The following ABLIM1 variants were observed in gnomAD, a reference collection of about 807,000 sequenced individuals.
ABLIM1 encodes the protein actin-binding LIM protein 1.
A neutral mutation model predicts 107.0 loss-of-function variants in ABLIM1; 40 were observed. The observed-to-expected ratio is 0.37, with a 90% CI of 0.29 to 0.49. ABLIM1 has a LOEUF of 0.49. Ranked by LOEUF, ABLIM1 falls within the 20% of genes least tolerant of loss-of-function variation. The probability of loss-of-function intolerance (pLI) is 0.97; values close to 1 mark genes in which losing one functional copy is unlikely to be tolerated. For missense variants in ABLIM1, 857 were observed against 1,008.5 expected, an observed-to-expected ratio of 0.85 and a Z score of 2.04; for synonymous variants, 357 against 357.3, an observed-to-expected ratio of 1.00 and a Z score of 0.01.
intron 6 of ABLIM1, 75 bp downstream of exon 6, chr10:114,544,930 G>C: frequency 3.7e-6 from 5 of 1,339,450 alleles, no homozygotes; most frequent in South Asian, 1.2e-5. Flanking sequence ...GGTGGGAAAG[G>C]GTCCCCTCTT....
chr10:114,459,832 T>C (rs1472234223), intron 12 of ABLIM1, among the ~76,000 whole-genome samples: 1 of 152,242 alleles, frequency 6.6e-6, no homozygotes, highest in African/African-American at 2.4e-5. Flanking sequence ...TAATGCTTTT[T>C]ATCATTTAAA....
At chr10:114,654,566 C>T (rs890269111) in intron 1 of ABLIM1, among the ~76,000 whole-genome samples, 2 of 152,138 alleles carry the variant, frequency 1.3e-5, no homozygotes, top group Admixed American at 6.5e-5. Flanking sequence ...CCTGCCTCAG[C>T]CTCTCAAGTA....
intron 1 of ABLIM1, among the ~76,000 whole-genome samples, chr10:114,639,731 T>C (rs549367987): frequency 3.5e-4 from 53 of 152,352 alleles, no homozygotes; most frequent in African/African-American, 1.3e-3. Context: ...CTGACATTTG[T>C]AATAATTTAG....
At chr10:114,742,573 GC>G (rs2082308330) in intron 1 of ABLIM1, among the ~76,000 whole-genome samples, 1 of 152,160 alleles carries the variant, frequency 6.6e-6, no homozygotes, top group Non-Finnish European at 1.5e-5. Flanking sequence ...TCTTCCTGAT[GC>G]AGTGACTTGA....
intron 2 of ABLIM1, among the ~76,000 whole-genome samples, chr10:114,576,613 C>T (rs2497747): frequency 3.9e-5 from 6 of 151,902 alleles, no homozygotes; most frequent in Non-Finnish European, 4.4e-5. Flanking sequence ...TCCCATGACT[C>T]CTTAATTCAT....
chr10:114,637,928 T>C (rs867019552), intron 1 of ABLIM1, among the ~76,000 whole-genome samples: 2 of 152,252 alleles, frequency 1.3e-5, no homozygotes, highest in Non-Finnish European at 1.5e-5. Flanking sequence ...AATCCAGTTA[T>C]TGGGATATAA....
At chr10:114,640,273 T>A (rs2078679348) in intron 1 of ABLIM1, among the ~76,000 whole-genome samples, 1 of 152,192 alleles carries the variant, frequency 6.6e-6, no homozygotes, top group African/African-American at 2.4e-5. Context: ...ACGCCTATAA[T>A]CCCAGCACTT....
At chr10:114,796,674 C>T in the ABLIM1 span, among the ~76,000 whole-genome samples, 1 of 152,178 alleles carries the variant, frequency 6.6e-6, no homozygotes, top group Non-Finnish European at 1.5e-5. Context: ...GTTTCCTTAT[C>T]TATAGAAGTC....
At chr10:114,701,208 G>C (rs1208112844) in intron 1 of ABLIM1, among the ~76,000 whole-genome samples, 1 of 152,146 alleles carries the variant, frequency 6.6e-6, no homozygotes, top group Non-Finnish European at 1.5e-5. Flanking sequence ...AATTAGCCAT[G>C]AGGTAAATGC....
At chr10:114,534,194 G>C (rs2065747633) in intron 6 of ABLIM1, among the ~76,000 whole-genome samples, 1 of 152,164 alleles carries the variant, frequency 6.6e-6, no homozygotes, top group Non-Finnish European at 1.5e-5. Flanking sequence ...AGGGATGGGA[G>C]CTGGGAGGGA....
intron 4 of ABLIM1, among the ~76,000 whole-genome samples, chr10:114,556,596 A>C (rs1259747439): frequency 6.6e-6 from 1 of 152,232 alleles, no homozygotes; most frequent in Non-Finnish European, 1.5e-5. Context: ...GTTGGGCAGC[A>C]GTTTTGACAT....
At chr10:114,470,450 A>C (rs2066282168) in intron 10 of ABLIM1, among the ~76,000 whole-genome samples, 1 of 149,248 alleles carries the variant, frequency 6.7e-6, no homozygotes, top group Non-Finnish European at 1.5e-5. Context: ...AAAAGGCAAT[A>C]TGTATATGAG....
chr10:114,603,607 T>C (rs982368521), intron 1 of ABLIM1, among the ~76,000 whole-genome samples: 4 of 149,016 alleles, frequency 2.7e-5, no homozygotes, highest in African/African-American at 9.9e-5. Context: ...GTGATGTGTA[T>C]GAAGGCCAAA....
At chr10:114,657,494 T>C (rs2079578379) in intron 1 of ABLIM1, among the ~76,000 whole-genome samples, 2 of 152,216 alleles carry the variant, frequency 1.3e-5, no homozygotes, top group Non-Finnish European at 2.9e-5. Flanking sequence ...ACTTTCTTTT[T>C]ATTTTATTTC....
chr10:114,710,299 T>A (rs2081520611), intron 1 of ABLIM1, among the ~76,000 whole-genome samples: 1 of 152,156 alleles, frequency 6.6e-6, no homozygotes, highest in African/African-American at 2.4e-5. Context: ...CAAAATTGGG[T>A]AATTTTAAAG....
intron 6 of ABLIM1, among the ~76,000 whole-genome samples, chr10:114,494,192 C>T (rs2059383973): frequency 6.6e-6 from 1 of 152,126 alleles, no homozygotes; most frequent in Admixed American, 6.5e-5. Flanking sequence ...ACTGGTTCTC[C>T]ACTTAGAGAA....
At chr10:114,627,122 A>C (rs1371159357) in intron 1 of ABLIM1, among the ~76,000 whole-genome samples, 1 of 152,168 alleles carries the variant, frequency 6.6e-6, no homozygotes, top group African/African-American at 2.4e-5. Flanking sequence ...CTGATACCTG[A>C]GCTACTTGGA....
At chr10:114,624,001 G>A (rs999655192) in intron 1 of ABLIM1, among the ~76,000 whole-genome samples, 4 of 152,046 alleles carry the variant, frequency 2.6e-5, no homozygotes, top group Admixed American at 2.0e-4. Context: ...ACAAATTTTC[G>A]CTCTCCCCAC....
At chr10:114,667,650 C>T (rs1168013647) in intron 1 of ABLIM1, among the ~76,000 whole-genome samples, 2 of 152,218 alleles carry the variant, frequency 1.3e-5, no homozygotes, top group Non-Finnish European at 2.9e-5. Context: ...TCCAGAACTG[C>T]AGAAAGTTCC....
Sources: allele counts gnomAD v4.1 joint callset (sites outside exome capture counted in the v4.1 genomes callset), GRCh38; gene constraint gnomAD v4.1.1; transcripts MANE v1.5; gene names NCBI Gene and HGNC (gene_info 2026-07-23, HGNC 2026-07-21).